Variants in SNN observed in about 807,000 individuals in gnomAD.
SNN encodes stannin.
Under a neutral mutation model 5.3 loss-of-function variants are expected in SNN, and 5 were observed. The ratio of observed to expected loss-of-function variants is 0.94; its 90% CI spans 0.49 to 1.97. The LOEUF (loss-of-function observed/expected upper bound fraction) is 1.97, where lower values mean the gene tolerates loss of function less well. Among genes scored for constraint, SNN ranks in the 30% most tolerant of loss-of-function variants. The pLI is 0.01. For synonymous variants in SNN, 67 were observed against 52.1 expected (o/e 1.29, Z -1.24); for missense variants, 127 against 121.6 (o/e 1.04, Z -0.21).
intron 1 of SNN, among the ~76,000 whole-genome samples, chr16:11,673,215 G>A (rs1377258037): frequency 6.6e-6 from 1 of 152,116 alleles, no homozygotes; most frequent in Non-Finnish European, 1.5e-5. Flanking sequence ...GGTCAGAGGG[G>A]TCCCCTGTCC....
chr16:11,669,285 C>T (rs1425064064), intron 1 of SNN, among the ~76,000 whole-genome samples: 1 of 152,242 alleles, frequency 6.6e-6, no homozygotes, highest in Non-Finnish European at 1.5e-5. Context: ...CGGGAGCCGC[C>T]GGGGCGCTGT....
Position 11,676,791 on chromosome 16 carries a change from T to C in SNN, c.*465T>C, listed in dbSNP as rs1481286111. On this transcript the variant is annotated 3_prime_UTR_variant, in exon 2 of 2. Coordinates refer to ENST00000329565, the MANE Select transcript of SNN (RefSeq NM_003498.6). ...GTCAAGACCCTGGAGGGTCATAGGC[T>C]TGTAAAGGCCCACGCCACACTCGGC... 5.7e-6 allele frequency: 1 copy of C among 176,750 alleles called. No homozygotes were observed. Among genetic ancestry groups the C allele is most frequent in the African/African-American group, 2.4e-5 (1 of 41,788 alleles). 10.9% of individuals were successfully genotyped at this position (176,750 alleles called of 1,614,324 possible).
In SNN at chr16:11,672,404, A is replaced by G. The variant is rs1448782698; in HGVS notation, c.-85-3571A>G. ...GGGTGGTCTGGGAGGGCAGCCTGCA[A>G]GAGGCGCCTTCTGAGAAAGTCCCGA... is the stretch of plus-strand genomic sequence containing the variant. On this transcript the variant is annotated intron_variant, in intron 1 of 1. Transcript: ENST00000329565. The surrounding 1 kb of genome is among the most constrained non-coding windows in gnomAD (Gnocchi z 6.0). 6.6e-6 allele frequency among the ~76,000 whole-genome samples: 1 copy of G among 152,052 alleles called. No homozygotes were observed. Among genetic ancestry groups the G allele is most frequent in the Non-Finnish European group, 1.5e-5 (1 of 67,980 alleles).
chr16:11,675,254 TTTTC>T (rs1453261659), intron 1 of SNN, among the ~76,000 whole-genome samples: 7 of 150,040 alleles, frequency 4.7e-5, no homozygotes, highest in Admixed American at 1.3e-4. Context: ...TTTCTTTTTT[TTTTC>T]TTTTTTTTTT....
rs1164649387 is a variant in SNN, at chr16:11,677,099, T to C, written c.*773T>C. On this transcript the variant is annotated 3_prime_UTR_variant, in exon 2 of 2. Transcript: ENST00000329565. This position sits in a 1 kb window ranked among gnomAD's most constrained non-coding sequence, Gnocchi z 4.2. ...CGCGTCCTGGAGGCTGCCAGCGTCC[T>C]TGTAGCAGAGCAGTTTCTTGCCGCT... 2 of 167,126 alleles carry C rather than the reference T, an allele frequency of 1.2e-5. No individual in the cohort carries two copies. The highest frequency in any genetic ancestry group is 4.8e-5 in the African/African-American group (2 of 41,458). The allele number at this position is 167,126 out of a possible 1,614,324, so 10.4% of individuals were successfully genotyped here.
At chr16:11,674,657 C>A (rs8191312) in intron 1 of SNN, among the ~76,000 whole-genome samples, 1 of 152,220 alleles carries the variant, frequency 6.6e-6, no homozygotes, top group African/African-American at 2.4e-5. Flanking sequence ...TGGGAGGGGC[C>A]TCATCCCCGC....
At position 11,676,083 on chromosome 16, in the gene SNN, C is replaced by T; in HGVS notation, c.24C>T (p.Pro8=). ...CCATGTCTATTATGGACCACAGCCCCACCACGGGCGTGGTCACAGTCATCG... is the reference window on the plus strand; with the variant it reads ...CCATGTCTATTATGGACCACAGCCCTACCACGGGCGTGGTCACAGTCATCG... MSIMDHS[P]TTGVVTVIVI... is the part of the protein sequence containing the mutation. Residue 8 remains proline, a synonymous_variant, in exon 2 of 2, where the codon CCC becomes CCT. Coordinates refer to ENST00000329565, the MANE Select transcript of SNN (RefSeq NM_003498.6). 1 of 1,610,444 alleles carries T rather than the reference C, an allele frequency of 6.2e-7. No individual in the cohort carries two copies. The highest frequency in any genetic ancestry group is 8.5e-7 in the Non-Finnish European group (1 of 1,177,482).
intron 1 of SNN, among the ~76,000 whole-genome samples, chr16:11,674,217 TTC>T (rs2141939523): frequency 6.6e-6 from 1 of 152,344 alleles, no homozygotes; most frequent in East Asian, 1.9e-4. Flanking sequence ...AGACGTGTCG[TTC>T]TGAGTGCCGA....
rs778404226 is a variant in SNN, at chr16:11,676,373, G to T, written c.*47G>T. On this transcript the variant is annotated 3_prime_UTR_variant, in exon 2 of 2. Coordinates refer to ENST00000329565, the MANE Select transcript of SNN (RefSeq NM_003498.6). ...TCCTGTTTGCAGCCGGCCAAGAGGCGCTGGGAGGGGCAAAACCATACGGAT... is the reference window on the plus strand; with the variant it reads ...TCCTGTTTGCAGCCGGCCAAGAGGCTCTGGGAGGGGCAAAACCATACGGAT... The T allele has an allele frequency of 3.2e-6, 5 of 1,580,066 alleles. No individual in the cohort carries two copies. The South Asian group carries it at 5.7e-5, about 18-fold the overall frequency.
chr16:11,669,800 A>G (rs1418925872), intron 1 of SNN, among the ~76,000 whole-genome samples: 1 of 152,172 alleles, frequency 6.6e-6, no homozygotes, highest in Non-Finnish European at 1.5e-5. Flanking sequence ...ACCTTGGGGC[A>G]GTCCCGGTTC....
chr16:11,670,265 G>C (rs189339616), intron 1 of SNN, among the ~76,000 whole-genome samples: 1 of 152,196 alleles, frequency 6.6e-6, no homozygotes, highest in African/African-American at 2.4e-5. Flanking sequence ...CTGGTCCCCT[G>C]TAAGCAGGGC....
rs761751884 is a variant in SNN at position 11,676,254 on chromosome 16, T to G, written c.195T>G (p.Tyr65Ter). The G allele has an allele frequency of 6.2e-7, 1 of 1,614,208 alleles. No individual in the cohort carries two copies. Among genetic ancestry groups the G allele is most frequent in the South Asian group, 1.1e-5 (1 of 91,090 alleles). ...ETKEPFLLVQ[Y>*]SAKGPCVERK... ...AGGAACCCTTCCTGCTGGTGCAGTA[T>G]TCGGCCAAGGGACCGTGCGTGGAGA... The change falls in exon 2 of 2, where the codon TAT (tyrosine) becomes TAG (stop). Residue 65 changes from tyrosine to a stop codon, truncating the protein, a stop_gained. Transcript: ENST00000329565. LOFTEE classifies it high-confidence loss of function.
Position 11,672,631 on chromosome 16 carries a change from C to T in SNN, c.-85-3344C>T, listed in dbSNP as rs546093407. On this transcript the variant is annotated intron_variant, in intron 1 of 1. Transcript: ENST00000329565. The surrounding 1 kb of genome is among the most constrained non-coding windows in gnomAD (Gnocchi z 6.0). ...TGCTGAGTGAATGAAGGAACAGATACGCACTCGGGAGGGCCGGACCACAGG... is the reference window on the plus strand; with the variant it reads ...TGCTGAGTGAATGAAGGAACAGATATGCACTCGGGAGGGCCGGACCACAGG... 1.2e-4 allele frequency among the ~76,000 whole-genome samples: 18 copies of T among 152,294 alleles called. No homozygotes were observed. The highest frequency in any genetic ancestry group is 4.1e-4 in the African/African-American group (17 of 41,560).
At chr16:11,670,875 G>T (rs1402372089) in intron 1 of SNN, among the ~76,000 whole-genome samples, 1 of 152,206 alleles carries the variant, frequency 6.6e-6, no homozygotes, top group Non-Finnish European at 1.5e-5. Flanking sequence ...CCCCTCTCTG[G>T]TAGCTGGGGC....
rs1427021326 is a variant in SNN at position 11,676,798 on chromosome 16, G to A, written c.*472G>A. On this transcript the variant is annotated 3_prime_UTR_variant, in exon 2 of 2. Transcript: ENST00000329565. ...CCCTGGAGGGTCATAGGCTTGTAAA[G>A]GCCCACGCCACACTCGGCAGGGGTC... The A allele has an allele frequency of 5.7e-6, 1 of 174,356 alleles. No individual in the cohort carries two copies. The highest frequency in any genetic ancestry group is 1.8e-4 in the East Asian group (1 of 5,584). The allele number at this position is 174,356 out of a possible 1,614,324, so 10.8% of individuals were successfully genotyped here.
chr16:11,670,304 C>G (rs1167418527), intron 1 of SNN, among the ~76,000 whole-genome samples: 2 of 152,138 alleles, frequency 1.3e-5, no homozygotes, highest in East Asian at 1.9e-4. Context: ...CAAGGAGCCT[C>G]AGGAGGTGGC....
chr16:11,676,203 G>A lies in SNN; in HGVS notation c.144G>A (p.Glu48=), dbSNP rs1186465777. Reference sequence around the variant, plus strand: ...GCATCAGCCAGTCAGAGGACGAGGAGAGCATCGTGGGGGATGGGGAGACCA... The same window carrying A: ...GCATCAGCCAGTCAGAGGACGAGGAAAGCATCGTGGGGGATGGGGAGACCA... ...LQRISQSEDE[E]SIVGDGETKE... is the part of the protein sequence containing the mutation. The change falls in exon 2 of 2, where the codon GAG becomes GAA. Residue 48 remains glutamate, a synonymous_variant. Coordinates refer to ENST00000329565, the MANE Select transcript of SNN (RefSeq NM_003498.6). 2 of 1,614,216 alleles carry A rather than the reference G, an allele frequency of 1.2e-6. No homozygotes were observed. The highest frequency in any genetic ancestry group is 1.7e-6 in the Non-Finnish European group (2 of 1,180,042).
chr16:11,668,597 G>T lies in SNN; in HGVS notation c.-86+57G>T. 1 of 145,700 alleles carries T rather than the reference G, an allele frequency of 6.9e-6. No homozygotes were observed. The highest frequency in any genetic ancestry group is 1.8e-4 in the South Asian group (1 of 5,442). The allele number at this position is 145,700 out of a possible 1,614,324, so 9.0% of individuals were successfully genotyped here. A position where few individuals can be genotyped will look rare whatever the true frequency, so the allele number is the denominator to read the frequency against. On this transcript the variant is annotated intron_variant, in intron 1 of 1. Coordinates refer to ENST00000329565, the MANE Select transcript of SNN (RefSeq NM_003498.6). This position sits in a 1 kb window ranked among gnomAD's most constrained non-coding sequence, Gnocchi z 6.8. ...GCCGGGCGGGGGCGCCGGGGCCCGG[G>T]GGCGGGAAGGGGGAGGCCAGGACGA...
chr16:11,678,818 G>T lies in SNN; in HGVS notation c.*2492G>T. ...GGCTAAGTAGGTTATGACCTCTCTG[G>T]ATTATTTTTGAATGCCCAACTGTTG... On this transcript the variant is annotated 3_prime_UTR_variant, in exon 2 of 2. Coordinates refer to ENST00000329565, the MANE Select transcript of SNN (RefSeq NM_003498.6). 1 of 234,324 alleles carries T rather than the reference G, an allele frequency of 4.3e-6. No individual in the cohort carries two copies. Among genetic ancestry groups the T allele is most frequent in the South Asian group, 5.9e-5 (1 of 16,916 alleles). 14.5% of individuals were successfully genotyped at this position (234,324 alleles called of 1,614,324 possible). A position where few individuals can be genotyped will look rare whatever the true frequency, so the allele number is the denominator to read the frequency against.
Sources: allele counts gnomAD v4.1 joint callset (sites outside exome capture counted in the v4.1 genomes callset), GRCh38; gene constraint gnomAD v4.1.1; non-coding constraint Gnocchi (gnomAD v3.1); transcripts MANE v1.5; gene names NCBI Gene and HGNC (gene_info 2026-07-23, HGNC 2026-07-21).